The following SDK1 variants were observed in gnomAD, a reference collection of about 807,000 sequenced individuals.
The protein encoded by SDK1 is sidekick cell adhesion molecule 1.
A neutral mutation model predicts 245.5 loss-of-function variants in SDK1; 157 were observed. The observed-to-expected ratio is 0.64, with a 90% CI of 0.56 to 0.73. The LOEUF is 0.73. Among genes scored for constraint, SDK1 ranks in the 30% least tolerant of loss-of-function variants. SDK1 has a pLI of 0.00. For synonymous variants in SDK1, 1,647 were observed against 1,278.5 expected (o/e 1.29, Z -6.15); for missense variants, 3,583 against 3,002.3 (o/e 1.19, Z -4.52).
At chr7:3,946,278 A>C (rs1051539563) in intron 5 of SDK1, among the ~76,000 whole-genome samples, 8 of 152,030 alleles carry the variant, frequency 5.3e-5, no homozygotes, top group African/African-American at 1.7e-4. Context: ...CCTGGGCTCA[A>C]GTGATCCTCC....
intron 1 of SDK1, among the ~76,000 whole-genome samples, chr7:3,537,125 T>A (rs1431511007): frequency 1.3e-5 from 2 of 152,230 alleles, no homozygotes; most frequent in African/African-American, 4.8e-5. Flanking sequence ...TTATCCCTCT[T>A]AAATCAGTCC....
chr7:3,924,993 C>G (rs936839779), intron 5 of SDK1, among the ~76,000 whole-genome samples: 1 of 152,190 alleles, frequency 6.6e-6, no homozygotes, highest in African/African-American at 2.4e-5. Context: ...GCTCTGGGAC[C>G]TGCAAGGTCC....
intron 5 of SDK1, among the ~76,000 whole-genome samples, chr7:3,881,275 C>G (rs149890336): frequency 1.3e-5 from 2 of 152,138 alleles, no homozygotes; most frequent in East Asian, 3.9e-4. Flanking sequence ...AACAGGCCCC[C>G]CAGTGTGTGT....
At chr7:4,088,011 A>C (rs1281971118) in intron 22 of SDK1, among the ~76,000 whole-genome samples, 1 of 152,218 alleles carries the variant, frequency 6.6e-6, no homozygotes, top group African/African-American at 2.4e-5. Flanking sequence ...ACAACTATGA[A>C]CACGTTTAAT....
intron 15 of SDK1, among the ~76,000 whole-genome samples, chr7:4,011,792 C>T (rs1034997131): frequency 9.9e-5 from 15 of 152,098 alleles, no homozygotes; most frequent in South Asian, 2.1e-4. Flanking sequence ...GACGGCAGGC[C>T]GACGAGCGGA....
At chr7:3,302,878 G>C (rs1350022648) in intron 1 of SDK1, among the ~76,000 whole-genome samples, 2 of 152,206 alleles carry the variant, frequency 1.3e-5, no homozygotes, top group African/African-American at 4.8e-5. Flanking sequence ...TGGCGAAGAT[G>C]AGAGCATTAA....
At chr7:3,651,476 A>G (rs1783012697) in intron 4 of SDK1, among the ~76,000 whole-genome samples, 1 of 152,218 alleles carries the variant, frequency 6.6e-6, no homozygotes, top group Non-Finnish European at 1.5e-5. Context: ...CTAAAGTGAG[A>G]CTTATTGTTC....
chr7:3,717,527 C>T (rs1321167137), intron 4 of SDK1, among the ~76,000 whole-genome samples: 3 of 152,084 alleles, frequency 2.0e-5, no homozygotes, highest in Non-Finnish European at 4.4e-5. Context: ...ACCTAAGAAC[C>T]TAGAAAAAGC....
At chr7:3,637,506 CT>C (rs1414814444) in intron 2 of SDK1, among the ~76,000 whole-genome samples, 3 of 152,194 alleles carry the variant, frequency 2.0e-5, no homozygotes, top group African/African-American at 7.2e-5. Context: ...TCTTGGGCAG[CT>C]TAGAAGTTGT....
At chr7:4,000,668 C>A (rs1211350964) in intron 14 of SDK1, among the ~76,000 whole-genome samples, 1 of 152,190 alleles carries the variant, frequency 6.6e-6, no homozygotes. Context: ...AGCTGATGGG[C>A]GTTGTGCTGT....
chr7:4,241,690 G>T (rs745942978), intron 42 of SDK1, 103 bp from the exon 43 acceptor site: 4 of 1,430,672 alleles, frequency 2.8e-6, no homozygotes, highest in Non-Finnish European at 3.9e-6. Flanking sequence ...GGCTCTGCGT[G>T]CAGCAGGACT....
At chr7:3,791,332 T>A (rs535311461) in intron 4 of SDK1, among the ~76,000 whole-genome samples, 2 of 152,160 alleles carry the variant, frequency 1.3e-5, no homozygotes, top group African/African-American at 4.8e-5. Flanking sequence ...CTTTGGGAAC[T>A]GTTTTGAATT....
chr7:3,598,246 A>G (rs974777905), intron 1 of SDK1, among the ~76,000 whole-genome samples: 1 of 151,804 alleles, frequency 6.6e-6, no homozygotes, highest in Non-Finnish European at 1.5e-5. Flanking sequence ...ATATATTTCC[A>G]TTTGTCTTTT....
At chr7:3,534,035 T>C (rs1778792857) in intron 1 of SDK1, among the ~76,000 whole-genome samples, 1 of 152,206 alleles carries the variant, frequency 6.6e-6, no homozygotes, top group African/African-American at 2.4e-5. Flanking sequence ...TATTGGAACT[T>C]TTTACCTTTT....
intron 2 of SDK1, among the ~76,000 whole-genome samples, chr7:3,620,271 A>G (rs990859135): frequency 1.3e-5 from 2 of 151,076 alleles, no homozygotes; most frequent in East Asian, 3.9e-4. Flanking sequence ...TTAAAAATCA[A>G]TTAAAAAAAA....
intron 1 of SDK1, among the ~76,000 whole-genome samples, chr7:3,380,096 A>C (rs772353198): frequency 2.9e-4 from 44 of 152,164 alleles, no homozygotes; most frequent in Non-Finnish European, 4.7e-4. Context: ...TAAAACTCCT[A>C]ATTTGAATTT....
intron 1 of SDK1, among the ~76,000 whole-genome samples, chr7:3,567,546 A>T (rs1404016838): frequency 6.6e-6 from 1 of 152,208 alleles, no homozygotes; most frequent in Non-Finnish European, 1.5e-5. Context: ...AAAAAAGGTA[A>T]ATGAGGTACA....
At chr7:3,393,672 A>G (rs1431152316) in intron 1 of SDK1, among the ~76,000 whole-genome samples, 2 of 152,058 alleles carry the variant, frequency 1.3e-5, no homozygotes, top group Non-Finnish European at 2.9e-5. Context: ...ACATTTTTCA[A>G]CTCCAGAATT....
intron 35 of SDK1, among the ~76,000 whole-genome samples, chr7:4,203,099 G>A (rs1481462268): frequency 6.6e-6 from 1 of 152,234 alleles, no homozygotes; most frequent in Non-Finnish European, 1.5e-5. Context: ...CTTGGCTGCA[G>A]CCTCCAGCCC....
Sources: gnomAD v4.1 joint callset for allele counts (sites outside exome capture counted in the v4.1 genomes callset) on GRCh38, gnomAD v4.1.1 for gene constraint, MANE v1.5 for transcripts, NCBI Gene and HGNC (gene_info 2026-07-23, HGNC 2026-07-21) for gene names.